The following SLC20A2 variants were observed in gnomAD, a reference collection of about 807,000 sequenced individuals.
The protein encoded by SLC20A2 is sodium-dependent phosphate transporter 2.
Under a neutral mutation model 61.0 loss-of-function variants are expected in SLC20A2, and 30 were observed. That is an observed-to-expected ratio of 0.49 (90% confidence interval 0.37 to 0.67). The LOEUF is 0.67. Ranked by LOEUF, SLC20A2 falls within the 30% of genes least tolerant of loss-of-function variation. SLC20A2 has a pLI of 0.00. For missense variants in SLC20A2, 626 were observed against 866.4 expected (o/e 0.72, Z 3.48); for synonymous variants, 351 against 353.3 (o/e 0.99, Z 0.07).
At chr8:42,515,166 G>T (rs1811256240) in intron 1 of SLC20A2, among the ~76,000 whole-genome samples, 1 of 152,118 alleles carries the variant, frequency 6.6e-6, no homozygotes, top group Non-Finnish European at 1.5e-5. Context: ...CTTGTCCAAG[G>T]TCACATGGAG....
intron 5 of SLC20A2, among the ~76,000 whole-genome samples, chr8:42,446,555 G>T (rs1052740871): frequency 1.3e-5 from 2 of 152,172 alleles, no homozygotes; most frequent in Non-Finnish European, 2.9e-5. Context: ...AATTATGCAG[G>T]TCTATATGTA....
At chr8:42,451,975 G>A (rs1805723052) in intron 5 of SLC20A2, among the ~76,000 whole-genome samples, 1 of 112,578 alleles carries the variant, frequency 8.9e-6, no homozygotes, top group African/African-American at 3.8e-5. Context: ...AGGAAGAGAT[G>A]AAGAGGAGGA....
At chr8:42,541,859 C>A (rs1813223453) in exon 1 of SLC20A2, 1 of 151,694 alleles carries the variant, frequency 6.6e-6, no homozygotes. Flanking sequence ...ACTCCGAGCA[C>A]CCGCCCGGTC....
intron 1 of SLC20A2, among the ~76,000 whole-genome samples, chr8:42,487,951 A>T (rs77609209): frequency 1.3e-5 from 2 of 152,150 alleles, no homozygotes; most frequent in East Asian, 1.9e-4. Flanking sequence ...CTTAGTCTCT[A>T]TGAATCTCAC....
intron 1 of SLC20A2, among the ~76,000 whole-genome samples, chr8:42,498,411 A>G (rs1179547086): frequency 6.6e-6 from 1 of 151,292 alleles, no homozygotes; most frequent in African/African-American, 2.4e-5. Flanking sequence ...TCCTCAACCC[A>G]CCCCACTCAT....
intron 1 of SLC20A2, among the ~76,000 whole-genome samples, chr8:42,539,184 C>T (rs1436445760): frequency 2.0e-5 from 3 of 152,192 alleles, no homozygotes; most frequent in Non-Finnish European, 2.9e-5. Flanking sequence ...TTTCCTCTTC[C>T]CAAAGATGGA....
intron 10 of SLC20A2, among the ~76,000 whole-genome samples, chr8:42,423,660 T>C (rs1803194510): frequency 6.6e-6 from 1 of 152,248 alleles, no homozygotes; most frequent in South Asian, 2.1e-4. Flanking sequence ...TATTCCCACA[T>C]ACTTTTTCTA....
intron 5 of SLC20A2, among the ~76,000 whole-genome samples, chr8:42,459,231 A>G (rs1806493332): frequency 2.5e-5 from 3 of 121,522 alleles, no homozygotes; most frequent in Non-Finnish European, 3.2e-5. Context: ...GTGAGACTCT[A>G]TCTCAAAAAA....
chr8:42,443,944 C>T (rs976748630), intron 6 of SLC20A2, among the ~76,000 whole-genome samples: 3 of 152,214 alleles, frequency 2.0e-5, no homozygotes, highest in Non-Finnish European at 4.4e-5. Flanking sequence ...CTGTAGGATG[C>T]CTTCAGCCGT....
intron 1 of SLC20A2, among the ~76,000 whole-genome samples, chr8:42,492,446 C>T (rs1218737210): frequency 6.6e-6 from 1 of 152,184 alleles, no homozygotes; most frequent in African/African-American, 2.4e-5. Context: ...GTCATGACTA[C>T]TCCTCTCATA....
chr8:42,438,773 A>C (rs1389538402), intron 7 of SLC20A2, among the ~76,000 whole-genome samples: 1 of 151,960 alleles, frequency 6.6e-6, no homozygotes, highest in Non-Finnish European at 1.5e-5. Context: ...CTGGAGTGCA[A>C]TGGCGCAATC....
intron 1 of SLC20A2, among the ~76,000 whole-genome samples, chr8:42,483,391 A>T (rs1808701324): frequency 1.3e-5 from 2 of 152,124 alleles, no homozygotes; most frequent in South Asian, 4.1e-4. Context: ...CAAACTAATT[A>T]ACTGTATTTG....
chr8:42,478,930 G>A (rs904732777), intron 1 of SLC20A2, among the ~76,000 whole-genome samples: 7 of 151,562 alleles, frequency 4.6e-5, no homozygotes, highest in Non-Finnish European at 7.4e-5. Flanking sequence ...GGAATCTTCC[G>A]CTGAGACACA....
rs371932276 is a variant in SLC20A2 at position 42,485,917 on chromosome 8, C to G, written c.-264-13263G>C. On this transcript the variant is annotated intron_variant, in intron 1 of 10. Coordinates refer to ENST00000520262, the MANE Select transcript of SLC20A2 (RefSeq NM_001257180.2). Reference sequence around the variant, plus strand: ...GCCGAGATTGCGCTGCTGCACTCCACCCTGGCGACAGAGCGAGACTCCGTC... The same window carrying G: ...GCCGAGATTGCGCTGCTGCACTCCAGCCTGGCGACAGAGCGAGACTCCGTC... 1.9e-4 allele frequency among the ~76,000 whole-genome samples: 28 copies of G among 150,436 alleles called. No homozygotes were observed. In the East Asian group the frequency reaches 3.7e-3, roughly 20 times the overall value.
At chr8:42,539,809 A>G (rs927019654) in intron 1 of SLC20A2, among the ~76,000 whole-genome samples, 1 of 152,236 alleles carries the variant, frequency 6.6e-6, no homozygotes, top group Non-Finnish European at 1.5e-5. Context: ...ACAATGTTAT[A>G]TAATAGAAAC....
At chr8:42,488,930 G>GT (rs1563516699) in intron 1 of SLC20A2, among the ~76,000 whole-genome samples, 16 of 129,076 alleles carry the variant, frequency 1.2e-4, no homozygotes, top group South Asian at 5.3e-4. Context: ...AGTTATAGGA[G>GT]TTTTGTTTTT....
chr8:42,513,873 C>G (rs574083968), intron 1 of SLC20A2, among the ~76,000 whole-genome samples: 10 of 152,128 alleles, frequency 6.6e-5, no homozygotes, highest in African/African-American at 2.4e-4. Flanking sequence ...GAAAGGCATT[C>G]TAGGAAGAGC....
intron 5 of SLC20A2, among the ~76,000 whole-genome samples, chr8:42,455,257 T>TATATATATATATATAG (rs1357416749): frequency 2.5e-5 from 2 of 81,622 alleles, no homozygotes; most frequent in African/African-American, 8.8e-5. Flanking sequence ...TATATATATA[T>TATATATATATATATAG]AGAGAGAGAG....
At chr8:42,471,984 A>G in intron 2 of SLC20A2, 118 bp downstream of exon 2, 1 of 860,852 alleles carries the variant, frequency 1.2e-6, no homozygotes, top group Non-Finnish European at 1.8e-6. Context: ...AATGTGAAAC[A>G]TCCAACCAGT....
Sources: allele counts gnomAD v4.1 joint callset (sites outside exome capture counted in the v4.1 genomes callset), GRCh38; gene constraint gnomAD v4.1.1; transcripts MANE v1.5; gene names NCBI Gene and HGNC (gene_info 2026-07-23, HGNC 2026-07-21).